Variants in DNAJC5 observed in about 807,000 individuals in gnomAD.
DNAJC5 encodes the protein DnaJ heat shock protein family (Hsp40) member C5, also known as dnaJ homolog subfamily C member 5.
Under a neutral mutation model 23.2 loss-of-function variants are expected in DNAJC5, and 1 was observed. The ratio of observed to expected loss-of-function variants is 0.04; its 90% CI spans 0.02 to 0.20. The LOEUF (loss-of-function observed/expected upper bound fraction) is 0.20, where lower values mean the gene tolerates loss of function less well. Ranked by LOEUF, DNAJC5 falls within the 10% of genes least tolerant of loss-of-function variation. DNAJC5 has a pLI of 1.00. For synonymous variants in DNAJC5, 136 were observed against 120.0 expected (o/e 1.13, Z -0.87); for missense variants, 180 against 267.0 (o/e 0.67, Z 2.27).
intron 1 of DNAJC5, among the ~76,000 whole-genome samples, chr20:63,914,635 A>G (rs1453896465): frequency 3.7e-5 from 4 of 108,464 alleles, no homozygotes; most frequent in African/African-American, 1.7e-4. Flanking sequence ...TTTTTTTGGT[A>G]GATGGAGTCT....
chr20:63,896,470 G>C (rs942308630), intron 1 of DNAJC5, among the ~76,000 whole-genome samples: 3 of 152,124 alleles, frequency 2.0e-5, no homozygotes, highest in African/African-American at 7.2e-5. Context: ...GACTCTGAGG[G>C]ACACCCCTGG....
Position 63,926,208 on chromosome 20 carries a change from G to A in DNAJC5, c.-11-2127G>A, listed in dbSNP as rs942356337. Among the ~76,000 whole-genome samples, 8 of 152,130 alleles carry A rather than the reference G, an allele frequency of 5.3e-5. 1 individual carries two copies. The highest frequency in any genetic ancestry group is 1.7e-4 in the African/African-American group (7 of 41,420). Reference sequence around the variant, plus strand: ...GATTTTCTATTTCATGTCAGTCTTGGTAAATTGTAATTTTCAAGATATTTG... The same window carrying A: ...GATTTTCTATTTCATGTCAGTCTTGATAAATTGTAATTTTCAAGATATTTG... On this transcript the variant is annotated intron_variant, in intron 1 of 4. Coordinates refer to ENST00000360864, the MANE Select transcript of DNAJC5 (RefSeq NM_025219.3).
chr20:63,899,698 C>T (rs1215177982), intron 1 of DNAJC5, among the ~76,000 whole-genome samples: 1 of 152,110 alleles, frequency 6.6e-6, no homozygotes, highest in Non-Finnish European at 1.5e-5. Context: ...TCTTCTGCCT[C>T]AGCCTCCCGA....
rs77884883 is a variant in DNAJC5 at position 63,930,816 on chromosome 20, G to A, written c.322-35G>A. ...CTGCGCCTCCCTCTCCAGGGGCCTC[G>A]GAGGCCATGCAACACCACCTTCTTC... On this transcript the variant is annotated intron_variant, in intron 3 of 4. Coordinates refer to ENST00000360864, the MANE Select transcript of DNAJC5 (RefSeq NM_025219.3). The A allele has an allele frequency of 0.026, 41,927 of 1,610,740 alleles. 643 individuals are homozygous for A. Among genetic ancestry groups the A allele is most frequent in the Middle Eastern group, 0.03 (138 of 4,544 alleles).
Position 63,929,205 on chromosome 20 carries a change from C to T in DNAJC5, c.108-107C>T. The T allele has an allele frequency of 7.5e-7, 1 of 1,338,464 alleles. No individual in the cohort carries two copies. The highest frequency in any genetic ancestry group is 1.3e-5 in the South Asian group (1 of 79,636). 82.9% of individuals were successfully genotyped at this position (1,338,464 alleles called of 1,614,324 possible). On this transcript the variant is annotated intron_variant, in intron 2 of 4. Coordinates refer to ENST00000360864, the MANE Select transcript of DNAJC5 (RefSeq NM_025219.3). This position sits in a 1 kb window ranked among gnomAD's most constrained non-coding sequence, Gnocchi z 8.6. Reference sequence around the variant, plus strand: ...CGGACAGTGAGGTGGCCTGGGTGGACCTGCCTTCCACTGCACCCGGCAGTG... The same window carrying T: ...CGGACAGTGAGGTGGCCTGGGTGGATCTGCCTTCCACTGCACCCGGCAGTG...
At chr20:63,908,727 G>T (rs530139205) in intron 1 of DNAJC5, among the ~76,000 whole-genome samples, 14 of 152,308 alleles carry the variant, frequency 9.2e-5, no homozygotes, top group Non-Finnish European at 1.9e-4. Flanking sequence ...TTCAGCTCAG[G>T]ATTTCCAGGC....
intron 1 of DNAJC5, among the ~76,000 whole-genome samples, chr20:63,923,273 C>T (rs2146297009): frequency 6.6e-6 from 1 of 151,952 alleles, no homozygotes; most frequent in South Asian, 2.1e-4. Flanking sequence ...CAGACCGTGT[C>T]TCTATAGAAA....
In DNAJC5 at chr20:63,931,825, C is replaced by CT; in HGVS notation, c.*258dup. On this transcript the variant is annotated 3_prime_UTR_variant, in exon 5 of 5. Transcript: ENST00000360864. This position sits in a 1 kb window ranked among gnomAD's most constrained non-coding sequence, Gnocchi z 9.6. ...GCATGTATGGGGTTCTGTTCCATGT[C>CT]TGTGTTGTGGACATTCCGCGGCATG... The CT allele has an allele frequency of 1.9e-6, 1 of 539,860 alleles. No individual in the cohort carries two copies. Among genetic ancestry groups the CT allele is most frequent in the East Asian group, 3.3e-5 (1 of 30,658 alleles). The allele number at this position is 539,860 out of a possible 1,614,324, so 33.4% of individuals were successfully genotyped here. A position where few individuals can be genotyped will look rare whatever the true frequency, so the allele number is the denominator to read the frequency against.
chr20:63,917,210 T>G (rs909495470), intron 1 of DNAJC5, among the ~76,000 whole-genome samples: 1 of 152,164 alleles, frequency 6.6e-6, no homozygotes, highest in Non-Finnish European at 1.5e-5. Context: ...CTGTTCAGGG[T>G]CCCTGACTTC....
chr20:63,902,358 CTTTTT>C (rs34309020), intron 1 of DNAJC5, among the ~76,000 whole-genome samples: 1 of 83,364 alleles, frequency 1.2e-5, no homozygotes, highest in South Asian at 4.1e-4. Flanking sequence ...CTGGCCTCAT[CTTTTT>C]TTTTTTTTTT....
intron 1 of DNAJC5, among the ~76,000 whole-genome samples, chr20:63,925,055 C>T (rs552307774): frequency 6.6e-6 from 1 of 152,322 alleles, no homozygotes; most frequent in South Asian, 2.1e-4. Context: ...GGTTCCCCTA[C>T]CTGAAGGCAG....
At chr20:63,909,505 A>AAACAACAACAAG (rs1555877793) in intron 1 of DNAJC5, among the ~76,000 whole-genome samples, 7 of 151,944 alleles carry the variant, frequency 4.6e-5, no homozygotes, top group Non-Finnish European at 7.4e-5. Context: ...TCCGTCTCAA[A>AAACAACAACAAG]AACAACAACA....
At chr20:63,913,104 C>CCTGCTCCATCTCCCCATCTG (rs1288384915) in intron 1 of DNAJC5, among the ~76,000 whole-genome samples, 1 of 152,004 alleles carries the variant, frequency 6.6e-6, no homozygotes, top group African/African-American at 2.4e-5. Flanking sequence ...CACTGTCTCT[C>CCTGCTCCATCTCCCCATCTG]CCAGAGGTGT....
At chr20:63,918,662 C>G (rs2053534499) in intron 1 of DNAJC5, among the ~76,000 whole-genome samples, 1 of 152,204 alleles carries the variant, frequency 6.6e-6, no homozygotes, top group Non-Finnish European at 1.5e-5. Flanking sequence ...GTGGCGCGAT[C>G]TCGGCTCACG....
intron 1 of DNAJC5, among the ~76,000 whole-genome samples, chr20:63,904,818 C>G (rs1284459225): frequency 3.3e-5 from 5 of 152,100 alleles, no homozygotes; most frequent in African/African-American, 1.2e-4. Flanking sequence ...TTTTGTTTTT[C>G]TTGAGACAAA....
At chr20:63,913,870 C>T (rs367601606) in intron 1 of DNAJC5, among the ~76,000 whole-genome samples, 28 of 152,284 alleles carry the variant, frequency 1.8e-4, no homozygotes, top group African/African-American at 4.6e-4. Flanking sequence ...TGAGCCACCG[C>T]GCCAGGCCCT....
chr20:63,929,280 G>C lies in DNAJC5; in HGVS notation c.108-32G>C. On this transcript the variant is annotated intron_variant, in intron 2 of 4. Transcript: ENST00000360864. This position sits in a 1 kb window ranked among gnomAD's most constrained non-coding sequence, Gnocchi z 8.6. ...GCGGGTGCGGGTGGAACAAAGTCCA[G>C]GGTAGAGCCAGGACATGGTTTTGGT... 1 of 1,600,762 alleles carries C rather than the reference G, an allele frequency of 6.2e-7. No individual in the cohort carries two copies. The highest frequency in any genetic ancestry group is 8.5e-7 in the Non-Finnish European group (1 of 1,174,012).
intron 1 of DNAJC5, among the ~76,000 whole-genome samples, chr20:63,903,933 A>G (rs567016554): frequency 1.3e-4 from 20 of 152,156 alleles, no homozygotes; most frequent in Non-Finnish European, 2.6e-4. Flanking sequence ...AGAAAATACA[A>G]AAGTTAGCTG....
intron 1 of DNAJC5, among the ~76,000 whole-genome samples, chr20:63,912,734 A>G (rs1227691185): frequency 6.6e-6 from 1 of 152,148 alleles, no homozygotes; most frequent in East Asian, 1.9e-4. Context: ...CAGCCTCACG[A>G]GTAGCTGGGA....
Sources: allele counts gnomAD v4.1 joint callset (sites outside exome capture counted in the v4.1 genomes callset), GRCh38; gene constraint gnomAD v4.1.1; non-coding constraint Gnocchi (gnomAD v3.1); transcripts MANE v1.5; gene names NCBI Gene and HGNC (gene_info 2026-07-23, HGNC 2026-07-21).